Variants in GABRG3 observed in about 807,000 individuals in gnomAD.
The protein encoded by GABRG3 is gamma-aminobutyric acid type A receptor subunit gamma3.
In GABRG3, 25 loss-of-function variants were observed where a neutral mutation model predicts 48.8. The ratio of observed to expected loss-of-function variants is 0.51; its 90% CI spans 0.37 to 0.72. The LOEUF is 0.72. GABRG3 is among the 30% of genes least tolerant of loss of function. GABRG3 has a pLI of 0.00. For missense variants in GABRG3, 394 were observed against 577.9 expected (o/e 0.68, Z 3.26); for synonymous variants, 227 against 217.6 (o/e 1.04, Z -0.38).
chr15:27,163,685 C>T lies in GABRG3; in HGVS notation c.270+136864C>T, dbSNP rs208132. On this transcript the variant is annotated intron_variant, in intron 3 of 9. Coordinates refer to ENST00000615808, the MANE Select transcript of GABRG3 (RefSeq NM_033223.5). ...TCAGCATGGTGGCCATATCCACACT[C>T]CATTTTTTATCTCTCACTCTCTCTA... 9.3e-3 allele frequency among the ~76,000 whole-genome samples: 1,413 copies of T among 152,284 alleles called. 24 individuals carry two copies. The highest frequency in any genetic ancestry group is 0.032 in the African/African-American group (1,338 of 41,562).
intron 3 of GABRG3, among the ~76,000 whole-genome samples, chr15:27,244,444 C>T (rs943042354): frequency 3.3e-5 from 5 of 152,126 alleles, no homozygotes; most frequent in East Asian, 1.9e-4. Context: ...AACCACACAG[C>T]GCTTAGCTAA....
chr15:27,313,262 G>GTGTGTGTATATATA (rs1430430961), intron 3 of GABRG3, among the ~76,000 whole-genome samples: 1 of 34,560 alleles, frequency 2.9e-5, no homozygotes, highest in Non-Finnish European at 5.7e-5. Context: ...GTGTGTGTGT[G>GTGTGTGTATATATA]TATATATATA....
intron 1 of GABRG3, 82 bp downstream of exon 1, chr15:26,971,670 G>A (rs547413762): frequency 2.1e-6 from 3 of 1,424,870 alleles, no homozygotes; most frequent in African/African-American, 3.0e-5. Flanking sequence ...TGGAGTCCCT[G>A]GCGCGCCAGC....
chr15:27,523,275 A>G (rs969646483), intron 7 of GABRG3, among the ~76,000 whole-genome samples: 1 of 151,876 alleles, frequency 6.6e-6, no homozygotes, highest in African/African-American at 2.4e-5. Context: ...AAACATCATG[A>G]AGATTTGTGG....
intron 3 of GABRG3, among the ~76,000 whole-genome samples, chr15:27,096,314 G>C (rs1566934332): frequency 6.6e-6 from 1 of 152,228 alleles, no homozygotes; most frequent in South Asian, 2.1e-4. Flanking sequence ...ATCTAGTGCA[G>C]TAAAGGGATA....
At chr15:27,476,390 T>C (rs1889941219) in intron 5 of GABRG3, among the ~76,000 whole-genome samples, 1 of 152,012 alleles carries the variant, frequency 6.6e-6, no homozygotes, top group South Asian at 2.1e-4. Flanking sequence ...TGTAAAGAAC[T>C]TAAGGAAATC....
chr15:27,184,921 A>T (rs983930490), intron 3 of GABRG3, among the ~76,000 whole-genome samples: 1 of 150,464 alleles, frequency 6.6e-6, no homozygotes, highest in Non-Finnish European at 1.5e-5. Flanking sequence ...TTTGCGTCTT[A>T]TTTTTTTTTC....
chr15:27,265,274 TA>T (rs1890882938), intron 3 of GABRG3, among the ~76,000 whole-genome samples: 1 of 152,138 alleles, frequency 6.6e-6, no homozygotes, highest in African/African-American at 2.4e-5. Context: ...TTCTATAGTA[TA>T]AAAGCCAATG....
At chr15:27,244,269 G>A (rs1013512702) in intron 3 of GABRG3, among the ~76,000 whole-genome samples, 3 of 152,156 alleles carry the variant, frequency 2.0e-5, no homozygotes, top group Admixed American at 1.3e-4. Context: ...TCTATTAACC[G>A]CCCACAGAGT....
At chr15:27,316,113 G>C (rs988120102) in intron 3 of GABRG3, among the ~76,000 whole-genome samples, 1 of 152,042 alleles carries the variant, frequency 6.6e-6, no homozygotes, top group African/African-American at 2.4e-5. Context: ...GGCCGGGCGC[G>C]GTGGCTCACG....
At chr15:27,337,410 G>GA (rs2140525734) in intron 5 of GABRG3, among the ~76,000 whole-genome samples, 1 of 152,232 alleles carries the variant, frequency 6.6e-6, no homozygotes, top group East Asian at 1.9e-4. Context: ...CAATCAATAT[G>GA]AAAAATTATC....
rs2140444114 is a variant in GABRG3 at position 27,226,369 on chromosome 15, C to T, written c.271-100440C>T. 1.3e-5 allele frequency among the ~76,000 whole-genome samples: 2 copies of T among 152,280 alleles called. 1 individual carries two copies. ...GGGAGGATGACATGAGCTTTGTACT[C>T]CCGGTGAGCTTGGTCCAGGTCAAAG... On this transcript the variant is annotated intron_variant, in intron 3 of 9. Coordinates refer to ENST00000615808, the MANE Select transcript of GABRG3 (RefSeq NM_033223.5).
chr15:27,226,316 A>G (rs982950561), intron 3 of GABRG3, among the ~76,000 whole-genome samples: 3 of 152,116 alleles, frequency 2.0e-5, no homozygotes, highest in Non-Finnish European at 2.9e-5. Flanking sequence ...GACATGGACA[A>G]TGTGCTCTCA....
intron 3 of GABRG3, among the ~76,000 whole-genome samples, chr15:27,097,070 T>C (rs1897277554): frequency 1.3e-5 from 2 of 151,360 alleles, no homozygotes; most frequent in South Asian, 4.2e-4. Context: ...CAGGCTGGTC[T>C]GAAACTCCTG....
At chr15:27,281,400 C>G (rs576592430) in intron 3 of GABRG3, among the ~76,000 whole-genome samples, 1 of 150,926 alleles carries the variant, frequency 6.6e-6, no homozygotes. Context: ...CTTTTCAGGA[C>G]AATTTTAGAT....
At chr15:27,430,409 A>T (rs7175495) in intron 5 of GABRG3, among the ~76,000 whole-genome samples, 35,879 of 151,846 alleles carry the variant, frequency 0.24, 5,944 homozygotes, top group African/African-American at 0.45. Flanking sequence ...TTAAATTAAA[A>T]ATAATTTGAC....
chr15:27,532,753 T>A lies in GABRG3; in HGVS notation c.1276T>A (p.Ser426Thr). Residue 426 changes from serine to threonine, a missense_variant, in exon 10 of 10, where the codon TCA becomes ACA. Physicochemically the swap from Ser to Thr is moderately conservative, Grantham distance 58. Around this residue, in one of 3 missense-constraint regions of GABRG3, gnomAD observed 126 missense variants for 155.5 expected, o/e 0.81. Coordinates refer to ENST00000615808, the MANE Select transcript of GABRG3 (RefSeq NM_033223.5). Reference protein sequence around the residue: ...SFFCCYEECKSGSWRKGRIHI... With the variant: ...SFFCCYEECKTGSWRKGRIHI... ...CTTCTGCTGCTATGAAGAATGTAAATCAGGATCCTGGAGGAAAGGGCGTAT... is the reference window on the plus strand; with the variant it reads ...CTTCTGCTGCTATGAAGAATGTAAAACAGGATCCTGGAGGAAAGGGCGTAT... The A allele has an allele frequency of 6.2e-7, 1 of 1,613,954 alleles. No homozygotes were observed. The highest frequency in any genetic ancestry group is 8.5e-7 in the Non-Finnish European group (1 of 1,179,880).
intron 5 of GABRG3, among the ~76,000 whole-genome samples, chr15:27,385,566 T>C (rs896532376): frequency 6.6e-6 from 1 of 152,252 alleles, no homozygotes; most frequent in Middle Eastern, 3.4e-3. Flanking sequence ...TTCTTCATTC[T>C]GTTTTCTTTC....
intron 3 of GABRG3, among the ~76,000 whole-genome samples, chr15:27,107,059 G>A (rs1595528769): frequency 6.6e-6 from 1 of 152,050 alleles, no homozygotes; most frequent in Middle Eastern, 3.4e-3. Context: ...ATTGGAGAGA[G>A]GTAGAGAAAA....
Sources: allele counts gnomAD v4.1 joint callset (sites outside exome capture counted in the v4.1 genomes callset), GRCh38; gene constraint gnomAD v4.1.1; regional missense constraint gnomAD v4.1.1; transcripts MANE v1.5; gene names NCBI Gene and HGNC (gene_info 2026-07-23, HGNC 2026-07-21).